The following CDH18 variants were observed in gnomAD, a reference collection of about 807,000 sequenced individuals.
CDH18 encodes the protein cadherin-18.
CDH18 carries 31 observed loss-of-function variants against 67.9 expected under a neutral mutation model. That is an observed-to-expected ratio of 0.46 (90% confidence interval 0.34 to 0.62). CDH18 has a LOEUF of 0.62. CDH18 is among the 20% of genes least tolerant of loss of function. The pLI is 0.01. For synonymous variants in CDH18, 362 were observed against 347.2 expected, an observed-to-expected ratio of 1.04 and a Z score of -0.48; for missense variants, 890 against 975.5, an observed-to-expected ratio of 0.91 and a Z score of 1.17.
chr5:19,676,758 G>A (rs773806641), intron 5 of CDH18, among the ~76,000 whole-genome samples: 9 of 151,870 alleles, frequency 5.9e-5, no homozygotes, highest in Admixed American at 4.6e-4. Flanking sequence ...CTTCCCAAGG[G>A]CAAGAAGCAC....
At chr5:20,430,247 T>TA (rs1748632027) in intron 1 of CDH18, among the ~76,000 whole-genome samples, 2 of 152,274 alleles carry the variant, frequency 1.3e-5, no homozygotes, top group African/African-American at 2.4e-5. Flanking sequence ...TATCACCTTA[T>TA]AAAAAACTCA....
intron 1 of CDH18, among the ~76,000 whole-genome samples, chr5:20,485,703 GAA>G (rs200347506): frequency 5.3e-5 from 8 of 150,488 alleles, no homozygotes; most frequent in Non-Finnish European, 1.0e-4. Context: ...GCTCATGGGT[GAA>G]AAAAAGTGTT....
chr5:20,417,100 T>C (rs1580951969), intron 1 of CDH18, among the ~76,000 whole-genome samples: 1 of 152,254 alleles, frequency 6.6e-6, no homozygotes, highest in African/African-American at 2.4e-5. Flanking sequence ...TCTAAATTTA[T>C]AGTTAAGTGG....
intron 1 of CDH18, among the ~76,000 whole-genome samples, chr5:20,498,686 T>C (rs1754057814): frequency 6.6e-6 from 1 of 152,086 alleles, no homozygotes. Context: ...ATTTTAAAAC[T>C]GTTCTTATTC....
intron 3 of CDH18, among the ~76,000 whole-genome samples, chr5:19,813,015 T>A (rs1273168220): frequency 6.6e-6 from 1 of 152,018 alleles, no homozygotes; most frequent in Non-Finnish European, 1.5e-5. Flanking sequence ...CTGGAAACCA[T>A]CATTCTCAGG....
chr5:20,257,529 C>T (rs1269350553), intron 1 of CDH18, among the ~76,000 whole-genome samples: 2 of 152,124 alleles, frequency 1.3e-5, no homozygotes, highest in East Asian at 1.9e-4. Context: ...GTTCATAGAG[C>T]CCAATGCACA....
Position 20,180,401 on chromosome 5 carries a change from A to G in CDH18, c.-518+75043T>C, listed in dbSNP as rs538653833. On this transcript the variant is annotated intron_variant, in intron 2 of 14. Transcript: ENST00000507958. ...GTACTGTTTCTATGGATTGTTTGTA[A>G]CCAGCTTTTGCTGCAACTGTTACTG... Among the ~76,000 whole-genome samples the G allele has an allele frequency of 3.9e-5, 6 of 152,242 alleles. No individual in the cohort carries two copies. In the South Asian group the frequency reaches 1.2e-3, roughly 32 times the overall value.
At chr5:20,400,478 A>AAAAC (rs1554127996) in intron 1 of CDH18, among the ~76,000 whole-genome samples, 4 of 151,600 alleles carry the variant, frequency 2.6e-5, no homozygotes, top group Admixed American at 2.0e-4. Flanking sequence ...GCTTCATCTC[A>AAAAC]AAATAAATAA....
intron 9 of CDH18, among the ~76,000 whole-genome samples, chr5:19,542,082 A>G (rs540843267): frequency 3.3e-5 from 5 of 152,276 alleles, no homozygotes; most frequent in African/African-American, 9.6e-5. Flanking sequence ...TTTTACAGAG[A>G]TATTATGGTG....
chr5:20,036,211 T>C (rs1414391803), intron 2 of CDH18, among the ~76,000 whole-genome samples: 1 of 152,016 alleles, frequency 6.6e-6, no homozygotes, highest in Non-Finnish European at 1.5e-5. Flanking sequence ...CAGGTGAACT[T>C]TAACAGCTTA....
At chr5:19,853,286 G>T (rs1371202343) in intron 2 of CDH18, among the ~76,000 whole-genome samples, 2 of 152,096 alleles carry the variant, frequency 1.3e-5, no homozygotes, top group African/African-American at 4.8e-5. Flanking sequence ...GGCAGAGACA[G>T]AGGAAGCTCT....
chr5:19,649,818 T>G (rs1361167992), intron 5 of CDH18, among the ~76,000 whole-genome samples: 1 of 151,972 alleles, frequency 6.6e-6, no homozygotes, highest in East Asian at 1.9e-4. Flanking sequence ...TTCTTATATA[T>G]ATGTATTTGT....
intron 2 of CDH18, among the ~76,000 whole-genome samples, chr5:19,957,256 G>T (rs1322105275): frequency 6.6e-6 from 1 of 151,748 alleles, no homozygotes; most frequent in East Asian, 1.9e-4. Flanking sequence ...TACTTTCAGA[G>T]TGAATTCAAA....
chr5:20,003,883 C>T (rs764159910), intron 2 of CDH18, among the ~76,000 whole-genome samples: 4 of 152,050 alleles, frequency 2.6e-5, no homozygotes, highest in African/African-American at 9.7e-5. Context: ...GTCGACAGAG[C>T]GAGACTCCGT....
intron 2 of CDH18, among the ~76,000 whole-genome samples, chr5:19,929,470 G>A (rs1221570158): frequency 1.3e-5 from 2 of 152,102 alleles, no homozygotes; most frequent in African/African-American, 4.8e-5. Flanking sequence ...ACGAAATGTT[G>A]AGACGAAGAA....
In CDH18 at chr5:20,534,948, T is replaced by A. The variant is rs181517275; in HGVS notation, c.-580+40514A>T. 1.1e-4 allele frequency among the ~76,000 whole-genome samples: 17 copies of A among 152,182 alleles called. No homozygotes were observed. The East Asian group carries it at 2.9e-3, about 26-fold the overall frequency. ...ATATATATTAACACTTTTGATATTT[T>A]TTGTTCTTAAGGCTCGCATTTTGCT... is the stretch of plus-strand genomic sequence containing the variant. On this transcript the variant is annotated intron_variant, in intron 1 of 14. Transcript: ENST00000507958.
intron 9 of CDH18, among the ~76,000 whole-genome samples, chr5:19,521,413 G>T (rs189569197): frequency 6.6e-6 from 1 of 152,186 alleles, no homozygotes; most frequent in East Asian, 1.9e-4. Flanking sequence ...TATCTTTTCA[G>T]TGGGTTTATT....
intron 1 of CDH18, among the ~76,000 whole-genome samples, chr5:20,291,894 C>T (rs966013205): frequency 6.6e-6 from 1 of 152,066 alleles, no homozygotes; most frequent in Non-Finnish European, 1.5e-5. Flanking sequence ...TCTCCTCTGG[C>T]CCTACTGGCT....
intron 2 of CDH18, among the ~76,000 whole-genome samples, chr5:19,881,476 A>T (rs1271513579): frequency 6.6e-6 from 1 of 151,260 alleles, no homozygotes. Flanking sequence ...TCATTATTCA[A>T]ACGCTGACAA....
Sources: gnomAD v4.1 joint callset for allele counts (sites outside exome capture counted in the v4.1 genomes callset) on GRCh38, gnomAD v4.1.1 for gene constraint, MANE v1.5 for transcripts, NCBI Gene and HGNC (gene_info 2026-07-23, HGNC 2026-07-21) for gene names.